The following ZBTB16 variants were observed in gnomAD, a reference collection of about 807,000 sequenced individuals.
The protein encoded by ZBTB16 is zinc finger and BTB domain-containing protein 16.
In ZBTB16, 8 loss-of-function variants were observed where a neutral mutation model predicts 56.8. The observed-to-expected ratio is 0.14, with a 90% confidence interval of 0.08 to 0.25. The LOEUF (loss-of-function observed/expected upper bound fraction) is 0.25. Among genes scored for constraint, ZBTB16 ranks in the 10% least tolerant of loss-of-function variants. The pLI, the probability that ZBTB16 is intolerant of heterozygous loss-of-function variation, is 1.00. For missense variants in ZBTB16, 625 were observed against 903.0 expected (o/e 0.69, Z 3.95); for synonymous variants, 363 against 368.5 (o/e 0.98, Z 0.17).
At chr11:114,241,809 C>G (rs771344216) in intron 4 of ZBTB16, among the ~76,000 whole-genome samples, 1 of 152,136 alleles carries the variant, frequency 6.6e-6, no homozygotes, top group East Asian at 1.9e-4. Context: ...TACCTTGCCT[C>G]CCCCACTTTT....
chr11:114,076,120 C>T (rs369865389), intron 2 of ZBTB16, among the ~76,000 whole-genome samples: 1 of 152,088 alleles, frequency 6.6e-6, no homozygotes, highest in East Asian at 1.9e-4. Flanking sequence ...GAAAGCATGC[C>T]GGAATCTGGC....
intron 4 of ZBTB16, among the ~76,000 whole-genome samples, chr11:114,202,190 C>T (rs940666216): frequency 1.3e-5 from 2 of 152,112 alleles, no homozygotes; most frequent in Non-Finnish European, 2.9e-5. Flanking sequence ...TTTCTTACAC[C>T]GACATAAGGA....
At chr11:114,161,148 A>G (rs191510957) in intron 3 of ZBTB16, among the ~76,000 whole-genome samples, 159 of 152,274 alleles carry the variant, frequency 1.0e-3, no homozygotes, top group Non-Finnish European at 2.0e-3. Context: ...AGACACATGC[A>G]GTGACTCAAA....
intron 4 of ZBTB16, among the ~76,000 whole-genome samples, chr11:114,196,314 A>T (rs1172301188): frequency 6.6e-6 from 1 of 152,214 alleles, no homozygotes; most frequent in Non-Finnish European, 1.5e-5. Context: ...GTCTGCTATC[A>T]CCAGGAACCT....
intron 2 of ZBTB16, among the ~76,000 whole-genome samples, chr11:114,124,557 CAAAAAAAAAAAAAAACA>C: frequency 2.4e-5 from 1 of 41,050 alleles, no homozygotes; most frequent in South Asian, 8.2e-4. Context: ...AAAAAAAAAC[CAAAAAAAAAAAAAAACA>C]AAAACAAAAC....
chr11:114,166,558 A>T (rs924918745), intron 3 of ZBTB16, among the ~76,000 whole-genome samples: 2 of 152,188 alleles, frequency 1.3e-5, no homozygotes, highest in Non-Finnish European at 2.9e-5. Context: ...CCTTTGCTGT[A>T]ATGGGCCCGC....
At chr11:114,115,012 G>A (rs954604634) in intron 2 of ZBTB16, among the ~76,000 whole-genome samples, 10 of 151,950 alleles carry the variant, frequency 6.6e-5, no homozygotes, top group Admixed American at 6.6e-4. Flanking sequence ...GGGCTACAGG[G>A]GCACAGAAAT....
chr11:114,205,649 C>T (rs1053399067), intron 4 of ZBTB16, among the ~76,000 whole-genome samples: 1 of 152,186 alleles, frequency 6.6e-6, no homozygotes, highest in Admixed American at 6.5e-5. Flanking sequence ...TTTCACAGGA[C>T]TCCAGAGAGT....
chr11:114,144,412 G>A (rs377038704), intron 2 of ZBTB16, among the ~76,000 whole-genome samples: 4 of 152,184 alleles, frequency 2.6e-5, no homozygotes, highest in Admixed American at 6.5e-5. Context: ...TTTACAGGCC[G>A]TTTTAATTAC....
Position 114,199,613 on chromosome 11 carries a change from G to T in ZBTB16, c.1453+12575G>T, listed in dbSNP as rs76109878. 9.4e-3 allele frequency among the ~76,000 whole-genome samples: 1,425 copies of T among 152,318 alleles called. 16 individuals carry two copies. Among genetic ancestry groups the T allele is most frequent in the African/African-American group, 0.032 (1,349 of 41,570 alleles). The stretch of plus-strand genomic sequence containing the variant: ...AGGTTCTTATCCTGGCTCTGCTATG[G>T]ACTTGCTTCATATGGGACAAATGGC... On this transcript the variant is annotated intron_variant, in intron 4 of 6. Transcript: ENST00000335953.
intron 2 of ZBTB16, among the ~76,000 whole-genome samples, chr11:114,079,574 G>A (rs186125601): frequency 6.6e-6 from 1 of 152,340 alleles, no homozygotes; most frequent in East Asian, 1.9e-4. Context: ...CAGAGTTTGG[G>A]AATGTTTGGG....
intron 4 of ZBTB16, among the ~76,000 whole-genome samples, chr11:114,228,794 G>GC (rs1372054991): frequency 6.6e-6 from 1 of 152,158 alleles, no homozygotes; most frequent in Non-Finnish European, 1.5e-5. Flanking sequence ...AGCTTCCCCC[G>GC]CCCCCTTCCA....
At chr11:114,076,017 T>C (rs1331348164) in intron 2 of ZBTB16, among the ~76,000 whole-genome samples, 1 of 152,128 alleles carries the variant, frequency 6.6e-6, no homozygotes, top group Non-Finnish European at 1.5e-5. Context: ...GTTTGTGAGT[T>C]GTCTGGCAAA....
intron 3 of ZBTB16, among the ~76,000 whole-genome samples, chr11:114,162,357 G>A (rs906849286): frequency 6.6e-6 from 1 of 152,232 alleles, no homozygotes; most frequent in Non-Finnish European, 1.5e-5. Flanking sequence ...CAAAGACAGA[G>A]AAGATGGGGG....
Position 114,250,848 on chromosome 11 carries a change from T to C in ZBTB16, c.*293T>C, listed in dbSNP as rs1565710561. 6.6e-6 allele frequency among the ~76,000 whole-genome samples: 1 copy of C among 152,072 alleles called. No homozygotes were observed. ...TCAAATGGTGGCACATTTTTCTCCT[T>C]CCTTCACCCAGACCTTCTTTTATGT... On this transcript the variant is annotated 3_prime_UTR_variant, in exon 7 of 7. Transcript: ENST00000335953. The surrounding 1 kb of genome is among the most constrained non-coding windows in gnomAD (Gnocchi z 6.0).
chr11:114,197,427 T>C (rs958619572), intron 4 of ZBTB16, among the ~76,000 whole-genome samples: 1 of 151,984 alleles, frequency 6.6e-6, no homozygotes, highest in Admixed American at 6.6e-5. Flanking sequence ...TACTCTGTCT[T>C]CCCCCCACTC....
In ZBTB16 at chr11:114,080,420, C is replaced by T. The variant is rs1417522185; in HGVS notation, c.1268+15852C>T. Among the ~76,000 whole-genome samples, 3 of 152,232 alleles carry T rather than the reference C, an allele frequency of 2.0e-5. No individual in the cohort carries two copies. The East Asian group carries it at 5.8e-4, about 29-fold the overall frequency. On this transcript the variant is annotated intron_variant, in intron 2 of 6. Coordinates refer to ENST00000335953, the MANE Select transcript of ZBTB16 (RefSeq NM_006006.6). Reference sequence around the variant, plus strand: ...AGTGCAGGGGCCTTGTGCTGAGCTGCACATGCTCGCTCTCGCTGGTGCTCC... The same window carrying T: ...AGTGCAGGGGCCTTGTGCTGAGCTGTACATGCTCGCTCTCGCTGGTGCTCC...
chr11:114,226,864 T>C (rs1043550894), intron 4 of ZBTB16, among the ~76,000 whole-genome samples: 2 of 152,170 alleles, frequency 1.3e-5, no homozygotes, highest in Admixed American at 6.5e-5. Context: ...CAATGTGCTC[T>C]TTTATTTTAC....
chr11:114,091,960 T>C (rs1405832533), intron 2 of ZBTB16, among the ~76,000 whole-genome samples: 1 of 152,198 alleles, frequency 6.6e-6, no homozygotes, highest in Non-Finnish European at 1.5e-5. Flanking sequence ...ACTGACACCC[T>C]TAGACCAGGC....
Sources: allele counts gnomAD v4.1 joint callset (sites outside exome capture counted in the v4.1 genomes callset), GRCh38; gene constraint gnomAD v4.1.1; non-coding constraint Gnocchi (gnomAD v3.1); transcripts MANE v1.5; gene names NCBI Gene and HGNC (gene_info 2026-07-23, HGNC 2026-07-21).